CCDC6: variants seen among roughly 807,000 people sequenced by gnomAD.
The protein encoded by CCDC6 is coiled-coil domain-containing protein 6.
Under a neutral mutation model 56.6 loss-of-function variants are expected in CCDC6, and 20 were observed. The observed-to-expected ratio is 0.35, with a 90% CI of 0.25 to 0.51. CCDC6 has a LOEUF of 0.51. CCDC6 is among the 20% of genes least tolerant of loss of function. The pLI is 0.95. For synonymous variants in CCDC6, 241 were observed against 234.4 expected (o/e 1.03, Z -0.26); for missense variants, 367 against 601.1 (o/e 0.61, Z 4.07).
At chr10:59,879,607 A>G (rs2071315503) in intron 1 of CCDC6, among the ~76,000 whole-genome samples, 1 of 152,144 alleles carries the variant, frequency 6.6e-6, no homozygotes, top group African/African-American at 2.4e-5. Context: ...GGCAAAATTG[A>G]GTAACCACTA....
chr10:59,804,988 C>A (rs2070608164), intron 6 of CCDC6: 1 of 165,596 alleles, frequency 6.0e-6, no homozygotes, highest in African/African-American at 2.4e-5. Flanking sequence ...TGAGTATCAA[C>A]TGTTTACAAG....
At chr10:59,903,972 C>A (rs1020669625) in intron 1 of CCDC6, among the ~76,000 whole-genome samples, 3 of 152,204 alleles carry the variant, frequency 2.0e-5, no homozygotes, top group African/African-American at 7.2e-5. Flanking sequence ...AATCTGTTTT[C>A]TGCATTTATC....
chr10:59,865,207 C>T (rs775229487), intron 1 of CCDC6, among the ~76,000 whole-genome samples: 14 of 152,276 alleles, frequency 9.2e-5, no homozygotes, highest in Admixed American at 3.9e-4. Flanking sequence ...ACCTGAAGAC[C>T]GGGATATAAC....
At chr10:59,858,608 A>G (rs2132660159) in intron 1 of CCDC6, among the ~76,000 whole-genome samples, 1 of 152,214 alleles carries the variant, frequency 6.6e-6, no homozygotes, top group African/African-American at 2.4e-5. Flanking sequence ...GCCCACCCCC[A>G]TCTGCAGTGG....
At chr10:59,846,671 T>C (rs1249966414) in intron 2 of CCDC6, among the ~76,000 whole-genome samples, 1 of 152,236 alleles carries the variant, frequency 6.6e-6, no homozygotes, top group Non-Finnish European at 1.5e-5. Flanking sequence ...AATCAGATCC[T>C]ATTTCAAATG....
chr10:59,840,648 C>A (rs2070930198), intron 2 of CCDC6, among the ~76,000 whole-genome samples: 1 of 152,212 alleles, frequency 6.6e-6, no homozygotes, highest in African/African-American at 2.4e-5. Context: ...CCAGACATTG[C>A]AATTGAACTT....
chr10:59,870,324 A>G (rs2071217380), intron 1 of CCDC6, among the ~76,000 whole-genome samples: 1 of 152,170 alleles, frequency 6.6e-6, no homozygotes, highest in African/African-American at 2.4e-5. Flanking sequence ...AGTTCTCATG[A>G]CAGAAAAAAT....
chr10:59,823,050 C>A (rs1471714141), intron 3 of CCDC6, among the ~76,000 whole-genome samples: 1 of 152,190 alleles, frequency 6.6e-6, no homozygotes, highest in Non-Finnish European at 1.5e-5. Flanking sequence ...CCTGCCCCAT[C>A]CCCTTTTCAG....
At chr10:59,859,190 ATGTGTGTGCGTG>A (rs1171067759) in intron 1 of CCDC6, among the ~76,000 whole-genome samples, 1 of 83,988 alleles carries the variant, frequency 1.2e-5, no homozygotes, top group Non-Finnish European at 2.1e-5. Context: ...AAAAAAATAC[ATGTGTGTGCGTG>A]TGTGTGTGTG....
chr10:59,806,735 G>T, intron 6 of CCDC6, 187 bp downstream of exon 6: 2 of 458,962 alleles, frequency 4.4e-6, no homozygotes, highest in Non-Finnish European at 3.8e-6. Flanking sequence ...ATCTTTTTGT[G>T]TTTAAGGAAA....
At chr10:59,837,992 A>G (rs2070899681) in intron 2 of CCDC6, among the ~76,000 whole-genome samples, 1 of 152,070 alleles carries the variant, frequency 6.6e-6, no homozygotes, top group Non-Finnish European at 1.5e-5. Context: ...CTTTGGAAAA[A>G]AGCTCAAAAA....
At chr10:59,872,869 A>G (rs1195233140) in intron 1 of CCDC6, among the ~76,000 whole-genome samples, 1 of 152,058 alleles carries the variant, frequency 6.6e-6, no homozygotes, top group East Asian at 1.9e-4. Flanking sequence ...CTAAGCTGTC[A>G]TTAGGAATTA....
At chr10:59,794,366 G>T in intron 8 of CCDC6, 107 bp downstream of exon 8, 2 of 1,075,648 alleles carry the variant, frequency 1.9e-6, no homozygotes, top group Non-Finnish European at 2.7e-6. Flanking sequence ...GGATGGAGGA[G>T]GCAGGAAGAA....
intron 1 of CCDC6, among the ~76,000 whole-genome samples, chr10:59,879,971 G>T (rs1342600933): frequency 6.6e-6 from 1 of 151,996 alleles, no homozygotes; most frequent in Non-Finnish European, 1.5e-5. Flanking sequence ...TTTACATTTT[G>T]ATAAAACCGA....
At chr10:59,871,408 G>A (rs939397197) in intron 1 of CCDC6, among the ~76,000 whole-genome samples, 12 of 146,296 alleles carry the variant, frequency 8.2e-5, no homozygotes, top group Admixed American at 2.8e-4. Flanking sequence ...GGACTGCTTT[G>A]TAGGCAATGG....
intron 2 of CCDC6, among the ~76,000 whole-genome samples, chr10:59,833,206 T>C (rs1448249784): frequency 6.6e-6 from 1 of 152,174 alleles, no homozygotes; most frequent in African/African-American, 2.4e-5. Flanking sequence ...CCTAGCACTT[T>C]GGGAGGCCAA....
chr10:59,884,969 A>G (rs544402271), intron 1 of CCDC6, among the ~76,000 whole-genome samples: 1 of 152,078 alleles, frequency 6.6e-6, no homozygotes, highest in African/African-American at 2.4e-5. Context: ...GAGGCTGAGG[A>G]AGGAGAACTG....
chr10:59,841,820 A>G (rs2070942395), intron 2 of CCDC6, among the ~76,000 whole-genome samples: 1 of 151,250 alleles, frequency 6.6e-6, no homozygotes, highest in South Asian at 2.1e-4. Context: ...GGCGCCTACA[A>G]CCACGCCCGG....
chr10:59,884,823 G>A (rs959734732), intron 1 of CCDC6, among the ~76,000 whole-genome samples: 20 of 152,144 alleles, frequency 1.3e-4, no homozygotes, highest in Non-Finnish European at 2.8e-4. Context: ...CAGCACTTTG[G>A]GAGGCCGAGG....
Sources: gnomAD v4.1 joint callset for allele counts (sites outside exome capture counted in the v4.1 genomes callset) on GRCh38, gnomAD v4.1.1 for gene constraint, MANE v1.5 for transcripts, NCBI Gene and HGNC (gene_info 2026-07-23, HGNC 2026-07-21) for gene names.